IFT81: variants seen among roughly 807,000 people sequenced by gnomAD.
IFT81 encodes intraflagellar transport protein 81 homolog.
Under a neutral mutation model 102.6 loss-of-function variants are expected in IFT81, and 72 were observed. The ratio of observed to expected loss-of-function variants is 0.70; its 90% CI spans 0.58 to 0.85. The LOEUF (loss-of-function observed/expected upper bound fraction) is 0.85, where lower values mean the gene tolerates loss of function less well. Among genes scored for constraint, IFT81 ranks in the 40% least tolerant of loss-of-function variants. The pLI is 0.00. For missense variants in IFT81, 723 were observed against 787.3 expected (o/e 0.92, Z 0.98); for synonymous variants, 237 against 242.7 (o/e 0.98, Z 0.22).
Position 110,143,442 on chromosome 12 carries a change from T to G in IFT81, c.842T>G (p.Phe281Cys). The change falls in exon 9 of 19, where the codon TTT (phenylalanine) becomes TGT (cysteine). Residue 281 changes from phenylalanine to cysteine, a missense_variant. Physicochemically the swap from Phe to Cys is radical, Grantham distance 205 (BLOSUM62 -2). Coordinates refer to ENST00000242591, the MANE Select transcript of IFT81 (RefSeq NM_014055.4). ...AATTTATATATGGTAACTGAAAAAT[T>G]TCCTAAAGAATTAGAAAATAAGAAA... The part of the protein sequence containing the change: ...KFNLYMVTEK[F>C]PKELENKKKE... The G allele has an allele frequency of 6.5e-7, 1 of 1,534,360 alleles. No homozygotes were observed. The highest frequency in any genetic ancestry group is 8.7e-7 in the Non-Finnish European group (1 of 1,146,372).
chr12:110,205,170 G>T, intron 15 of IFT81: 1 of 202,116 alleles, frequency 4.9e-6, no homozygotes, highest in Non-Finnish European at 9.9e-6. Flanking sequence ...CGAGGAGGAG[G>T]TTGCAGTGAG....
At chr12:110,129,625 A>G (rs1167134690) in intron 4 of IFT81, among the ~76,000 whole-genome samples, 1 of 152,050 alleles carries the variant, frequency 6.6e-6, no homozygotes, top group Non-Finnish European at 1.5e-5. Flanking sequence ...CAATCAGACA[A>G]AGGGTAGAGA....
At chr12:110,147,692 A>C (rs754187841) in intron 10 of IFT81, among the ~76,000 whole-genome samples, 9 of 152,216 alleles carry the variant, frequency 5.9e-5, no homozygotes, top group Non-Finnish European at 8.8e-5. Context: ...GGAAAATTTC[A>C]ATCAATTACA....
Position 110,127,372 on chromosome 12 carries a change from G to T in IFT81, c.-9G>T. 6.5e-7 allele frequency: 1 copy of T among 1,528,288 alleles called. No individual in the cohort carries two copies. The highest frequency in any genetic ancestry group is 2.4e-5 in the East Asian group (1 of 41,548). The allele number at this position is 1,528,288 out of a possible 1,614,324, so 94.7% of individuals were successfully genotyped here. On this transcript the variant is annotated 5_prime_UTR_variant, in exon 2 of 19. Transcript: ENST00000242591. ...TTTTACTCTTTAGTTAAAATTATAA[G>T]ACCTAATTATGAGTGATCAAATTAA...
At chr12:110,128,832 T>C (rs1894000270) in intron 3 of IFT81, 118 bp from the exon 4 acceptor site, 2 of 720,062 alleles carry the variant, frequency 2.8e-6, no homozygotes, top group Non-Finnish European at 4.5e-6. Flanking sequence ...TTTATCTTTT[T>C]TAAAAAGTTA....
chr12:110,163,198 GA>G (rs1896237799), intron 11 of IFT81, 133 bp downstream of exon 11: 1 of 668,894 alleles, frequency 1.5e-6, no homozygotes, highest in African/African-American at 1.9e-5. Flanking sequence ...ATTTAAAACT[GA>G]AGAGTCTTTT....
chr12:110,192,719 T>C lies in IFT81; in HGVS notation c.1557+13T>C, dbSNP rs1897851735. 1 of 1,396,894 alleles carries C rather than the reference T, an allele frequency of 7.2e-7. No individual in the cohort carries two copies. Among genetic ancestry groups the C allele is most frequent in the Non-Finnish European group, 1.0e-6 (1 of 999,872 alleles). The allele number at this position is 1,396,894 out of a possible 1,614,324, so 86.5% of individuals were successfully genotyped here. On this transcript the variant is annotated intron_variant, in intron 14 of 18. Coordinates refer to ENST00000242591, the MANE Select transcript of IFT81 (RefSeq NM_014055.4). ...TCAAAAATATCAAGTAAGTTTTTGATTTTATCAAGTAATTTGATTTTATGA... is the reference window on the plus strand; with the variant it reads ...TCAAAAATATCAAGTAAGTTTTTGACTTTATCAAGTAATTTGATTTTATGA...
At chr12:110,134,004 A>G (rs923544942) in intron 5 of IFT81, among the ~76,000 whole-genome samples, 2 of 152,106 alleles carry the variant, frequency 1.3e-5, no homozygotes, top group Non-Finnish European at 2.9e-5. Context: ...CATTTATTTT[A>G]AGATTTTTTT....
At chr12:110,215,102 A>T (rs1015752919) in intron 18 of IFT81, among the ~76,000 whole-genome samples, 1 of 152,106 alleles carries the variant, frequency 6.6e-6, no homozygotes, top group Non-Finnish European at 1.5e-5. Context: ...GGCAGTATTT[A>T]ATGGGTGGTT....
chr12:110,163,112 T>G, intron 11 of IFT81, 47 bp downstream of exon 11: 2 of 1,504,144 alleles, frequency 1.3e-6, no homozygotes, highest in South Asian at 1.2e-5. Context: ...ATTGTTTTTA[T>G]GTGAAACTAT....
At chr12:110,171,983 A>T (rs1369305203) in intron 11 of IFT81, 1 of 152,210 alleles carries the variant, frequency 6.6e-6, no homozygotes, top group East Asian at 1.9e-4. Flanking sequence ...ACTGACAAAG[A>T]TGTGATTTAA....
intron 8 of IFT81, among the ~76,000 whole-genome samples, chr12:110,142,883 AC>A (rs1239057380): frequency 6.6e-6 from 1 of 152,172 alleles, no homozygotes; most frequent in Non-Finnish European, 1.5e-5. Context: ...AGCCTGGGTG[AC>A]AGAGCAAGAC....
At chr12:110,132,260 C>T (rs1338518389) in intron 4 of IFT81, among the ~76,000 whole-genome samples, 2 of 151,952 alleles carry the variant, frequency 1.3e-5, no homozygotes, top group Non-Finnish European at 2.9e-5. Flanking sequence ...GTCAGGAGTT[C>T]GAGACCAGCC....
chr12:110,136,815 C>G lies in IFT81; in HGVS notation c.736C>G (p.Gln246Glu). Reference sequence around the variant, plus strand: ...GCAAAGATTGCAAAGAGTACAAAACCAGCTGAAAAGCATGCGCCAAGCTGC... The same window carrying G: ...GCAAAGATTGCAAAGAGTACAAAACGAGCTGAAAAGCATGCGCCAAGCTGC... ...AVQRLQRVQN[Q>E]LKSMRQAAAD... The change falls in exon 8 of 19, where the codon CAG (glutamine) becomes GAG (glutamate). Residue 246 changes from glutamine to glutamate, a missense_variant. Transcript: ENST00000242591. 1 of 1,612,432 alleles carries G rather than the reference C, an allele frequency of 6.2e-7. No individual in the cohort carries two copies. Among genetic ancestry groups the G allele is most frequent in the Non-Finnish European group, 8.5e-7 (1 of 1,178,924 alleles).
At chr12:110,144,863 CTTTTTTTTTT>C (rs34675452) in intron 9 of IFT81, among the ~76,000 whole-genome samples, 3 of 93,074 alleles carry the variant, frequency 3.2e-5, no homozygotes, top group Non-Finnish European at 6.0e-5. Flanking sequence ...GGTGCAGTGC[CTTTTTTTTTT>C]TTTTTTTTTT....
At position 110,218,498 on chromosome 12, in the gene IFT81, G is replaced by A. The variant is rs1870427764; in HGVS notation, c.*272G>A. ...GAAACTAAGTTTACTATCTGTAAAT[G>A]TAAACATATGTCCATTAAGAAACAT... On this transcript the variant is annotated 3_prime_UTR_variant, in exon 19 of 19. Coordinates refer to ENST00000242591, the MANE Select transcript of IFT81 (RefSeq NM_014055.4). 3.9e-6 allele frequency: 1 copy of A among 256,294 alleles called. No individual in the cohort carries two copies. Among genetic ancestry groups the A allele is most frequent in the Non-Finnish European group, 7.3e-6 (1 of 137,360 alleles). 15.9% of individuals were successfully genotyped at this position (256,294 alleles called of 1,614,324 possible).
intron 14 of IFT81, among the ~76,000 whole-genome samples, chr12:110,202,457 C>CTT (rs1472257322): frequency 2.8e-5 from 4 of 144,358 alleles, no homozygotes; most frequent in African/African-American, 7.5e-5. Context: ...GTGATTCCAC[C>CTT]TTTTTTTTTT....
chr12:110,129,217 T>C (rs1894027338), intron 4 of IFT81, 87 bp downstream of exon 4: 1 of 1,034,160 alleles, frequency 9.7e-7, no homozygotes, highest in Non-Finnish European at 1.4e-6. Context: ...TTTTATTTGC[T>C]GTCTTTGTAG....
chr12:110,218,376 G>A lies in IFT81; in HGVS notation c.*150G>A. Reference sequence around the variant, plus strand: ...AGTTTTCATAGAAAATAATGTTAAGGTAGATTTAGTTTGAATGTTTTTTCA... The same window carrying A: ...AGTTTTCATAGAAAATAATGTTAAGATAGATTTAGTTTGAATGTTTTTTCA... On this transcript the variant is annotated 3_prime_UTR_variant, in exon 19 of 19. Transcript: ENST00000242591. The A allele has an allele frequency of 3.7e-6, 2 of 539,392 alleles. No individual in the cohort carries two copies. Among genetic ancestry groups the A allele is most frequent in the Non-Finnish European group, 3.1e-6 (1 of 324,934 alleles). The allele number at this position is 539,392 out of a possible 1,614,324, so 33.4% of individuals were successfully genotyped here.
Sources: allele counts gnomAD v4.1 joint callset (sites outside exome capture counted in the v4.1 genomes callset), GRCh38; gene constraint gnomAD v4.1.1; transcripts MANE v1.5; gene names NCBI Gene and HGNC (gene_info 2026-07-23, HGNC 2026-07-21).